NR6A1: variants seen among roughly 807,000 people sequenced by gnomAD.
The protein encoded by NR6A1 is nuclear receptor subfamily 6 group A member 1.
In NR6A1, 7 loss-of-function variants were observed where a neutral mutation model predicts 59.1. The observed-to-expected ratio is 0.12, with a 90% CI of 0.07 to 0.22. NR6A1 has a LOEUF of 0.22. Ranked by LOEUF, NR6A1 falls within the 10% of genes least tolerant of loss-of-function variation. The pLI is 1.00. For synonymous variants in NR6A1, 243 were observed against 236.1 expected (o/e 1.03, Z -0.27); for missense variants, 468 against 611.6 (o/e 0.77, Z 2.48).
chr9:124,563,187 C>A (rs1022179306), intron 2 of NR6A1, among the ~76,000 whole-genome samples: 1 of 152,104 alleles, frequency 6.6e-6, no homozygotes, highest in Non-Finnish European at 1.5e-5. Context: ...TTCCAAATTA[C>A]AAGTCATAAC....
At chr9:124,623,472 A>G (rs1836138989) in intron 2 of NR6A1, among the ~76,000 whole-genome samples, 1 of 150,922 alleles carries the variant, frequency 6.6e-6, no homozygotes, top group Non-Finnish European at 1.5e-5. Flanking sequence ...AGATCCTCCC[A>G]CCTCAGATTC....
At chr9:124,669,955 G>A (rs1028650032) in intron 2 of NR6A1, among the ~76,000 whole-genome samples, 2 of 152,092 alleles carry the variant, frequency 1.3e-5, no homozygotes, top group Non-Finnish European at 2.9e-5. Context: ...AATACTTACT[G>A]AATTAAGATT....
intron 5 of NR6A1, among the ~76,000 whole-genome samples, chr9:124,539,256 T>A (rs538843874): frequency 6.6e-6 from 1 of 152,096 alleles, no homozygotes; most frequent in Non-Finnish European, 1.5e-5. Context: ...GTATCTCCTA[T>A]AACTGGGGTT....
At chr9:124,593,968 A>T (rs1282149594) in intron 2 of NR6A1, among the ~76,000 whole-genome samples, 4 of 152,244 alleles carry the variant, frequency 2.6e-5, no homozygotes, top group Non-Finnish European at 5.9e-5. Flanking sequence ...GGCCTGCCAC[A>T]GTGAAAGCTT....
chr9:124,670,150 C>A (rs2130964595), intron 2 of NR6A1, among the ~76,000 whole-genome samples: 1 of 149,708 alleles, frequency 6.7e-6, no homozygotes, highest in South Asian at 2.1e-4. Context: ...GAAACTGAGG[C>A]AGGAGGACTG....
chr9:124,563,545 T>C (rs1300178457), intron 2 of NR6A1, among the ~76,000 whole-genome samples: 1 of 152,182 alleles, frequency 6.6e-6, no homozygotes, highest in Non-Finnish European at 1.5e-5. Context: ...AGGGATGAAA[T>C]GATACAGTAC....
At chr9:124,707,420 G>T (rs1040828774) in intron 2 of NR6A1, among the ~76,000 whole-genome samples, 1 of 151,364 alleles carries the variant, frequency 6.6e-6, no homozygotes, top group Non-Finnish European at 1.5e-5. Flanking sequence ...TTTAAAAGTT[G>T]TCCCTTTATT....
chr9:124,742,749 G>A (rs1170348817), intron 1 of NR6A1, among the ~76,000 whole-genome samples: 3 of 151,768 alleles, frequency 2.0e-5, no homozygotes, highest in Non-Finnish European at 2.9e-5. Context: ...GGTGGTACGC[G>A]CCTGTAGTCC....
chr9:124,720,101 G>A (rs1839524228), intron 2 of NR6A1, among the ~76,000 whole-genome samples: 1 of 152,118 alleles, frequency 6.6e-6, no homozygotes, highest in Non-Finnish European at 1.5e-5. Context: ...AGGCTAGAGT[G>A]CAATGACGCA....
intron 6 of NR6A1, among the ~76,000 whole-genome samples, chr9:124,536,663 T>TAAAA (rs79553613): frequency 7.8e-6 from 1 of 128,544 alleles, no homozygotes; most frequent in Non-Finnish European, 1.7e-5. Flanking sequence ...AGACTCTGTC[T>TAAAA]AAAAAAAAAA....
intron 7 of NR6A1, among the ~76,000 whole-genome samples, chr9:124,527,891 T>C (rs924735739): frequency 4.6e-5 from 7 of 152,176 alleles, no homozygotes; most frequent in African/African-American, 1.7e-4. Flanking sequence ...GGCAAACACT[T>C]AATCAGGAAG....
intron 2 of NR6A1, among the ~76,000 whole-genome samples, chr9:124,656,269 T>C (rs1837257734): frequency 6.6e-6 from 1 of 152,190 alleles, no homozygotes; most frequent in African/African-American, 2.4e-5. Flanking sequence ...ATGCTTCTTG[T>C]ACAGCTTGCA....
At chr9:124,588,801 T>A (rs1835012364) in intron 2 of NR6A1, among the ~76,000 whole-genome samples, 1 of 148,816 alleles carries the variant, frequency 6.7e-6, no homozygotes, top group Non-Finnish European at 1.5e-5. Flanking sequence ...GCGCCTGTAG[T>A]CCCAGCTACT....
intron 2 of NR6A1, among the ~76,000 whole-genome samples, chr9:124,631,572 C>T (rs573431464): frequency 1.8e-4 from 28 of 152,228 alleles, no homozygotes; most frequent in African/African-American, 6.3e-4. Flanking sequence ...AAGAATCTTT[C>T]CCCAAACACC....
chr9:124,575,059 T>C (rs1321490174), intron 2 of NR6A1, among the ~76,000 whole-genome samples: 1 of 152,184 alleles, frequency 6.6e-6, no homozygotes, highest in Non-Finnish European at 1.5e-5. Context: ...GTCACTGTGA[T>C]GTTCCTGCCT....
At chr9:124,554,949 C>T (rs1833884142) in intron 2 of NR6A1, among the ~76,000 whole-genome samples, 1 of 152,162 alleles carries the variant, frequency 6.6e-6, no homozygotes, top group South Asian at 2.1e-4. Flanking sequence ...TGATATACAG[C>T]CAATAAATGA....
At chr9:124,751,544 A>T (rs1162444253) in intron 1 of NR6A1, among the ~76,000 whole-genome samples, 1 of 152,226 alleles carries the variant, frequency 6.6e-6, no homozygotes, top group Non-Finnish European at 1.5e-5. Flanking sequence ...CTGGAATCAA[A>T]GTGTCACCGA....
chr9:124,576,882 C>A (rs950393217), intron 2 of NR6A1, among the ~76,000 whole-genome samples: 3 of 151,994 alleles, frequency 2.0e-5, no homozygotes, highest in Non-Finnish European at 4.4e-5. Flanking sequence ...CATAGGGAGA[C>A]GCCATCTCTA....
chr9:124,752,162 G>C (rs529565860), intron 1 of NR6A1, among the ~76,000 whole-genome samples: 1 of 152,040 alleles, frequency 6.6e-6, no homozygotes, highest in Non-Finnish European at 1.5e-5. Flanking sequence ...CTGGCTACTC[G>C]GGCTCCTGAA....
Sources: gnomAD v4.1 joint callset for allele counts (sites outside exome capture counted in the v4.1 genomes callset) on GRCh38, gnomAD v4.1.1 for gene constraint, MANE v1.5 for transcripts, NCBI Gene and HGNC (gene_info 2026-07-23, HGNC 2026-07-21) for gene names.